Variants in CXADR observed in about 807,000 individuals in gnomAD.
CXADR encodes the protein coxsackievirus and adenovirus receptor.
A neutral mutation model predicts 40.3 loss-of-function variants in CXADR; 20 were observed. That is an observed-to-expected ratio of 0.50 (90% CI 0.35 to 0.72). The LOEUF (loss-of-function observed/expected upper bound fraction) is 0.72, where lower values mean the gene tolerates loss of function less well. Ranked by LOEUF, CXADR falls within the 30% of genes least tolerant of loss-of-function variation. CXADR has a pLI of 0.01. For synonymous variants in CXADR, 150 were observed against 161.3 expected (o/e 0.93, Z 0.53); for missense variants, 332 against 449.1 (o/e 0.74, Z 2.36).
chr21:17,550,750 T>C (rs1420864871), intron 2 of CXADR, among the ~76,000 whole-genome samples: 1 of 152,262 alleles, frequency 6.6e-6, no homozygotes, highest in Non-Finnish European at 1.5e-5. Context: ...ACATAGATTT[T>C]ATTTTCCCTC....
chr21:17,538,378 G>T (rs999788835), intron 1 of CXADR, among the ~76,000 whole-genome samples: 2 of 152,168 alleles, frequency 1.3e-5, no homozygotes, highest in African/African-American at 4.8e-5. Flanking sequence ...ATTATACTGT[G>T]GGAGTGGGAA....
intron 1 of CXADR, among the ~76,000 whole-genome samples, chr21:17,516,022 C>G (rs1313713536): frequency 6.6e-6 from 1 of 152,134 alleles, no homozygotes; most frequent in Admixed American, 6.5e-5. Context: ...GTGAGTCATA[C>G]TACTAGTAAT....
At chr21:17,534,069 TACACACACACAC>T (rs1207362856) in intron 1 of CXADR, among the ~76,000 whole-genome samples, 3 of 99,574 alleles carry the variant, frequency 3.0e-5, no homozygotes, top group Non-Finnish European at 4.0e-5. Context: ...GCTATATATA[TACACACACACAC>T]ATATATATAT....
At chr21:17,632,516 C>T in the CXADR span, among the ~76,000 whole-genome samples, 22 of 152,258 alleles carry the variant, frequency 1.4e-4, no homozygotes, top group Admixed American at 1.2e-3. Flanking sequence ...TTCCAAAGCG[C>T]GACATTTAGG....
intron 7 of CXADR, chr21:17,593,070 T>C (rs2061455108): frequency 8.7e-7 from 1 of 1,148,382 alleles, no homozygotes; most frequent in Non-Finnish European, 1.1e-6. Context: ...GGAAAAAGTA[T>C]TGCTGATCTT....
At chr21:17,538,455 T>C (rs2060787776) in intron 1 of CXADR, among the ~76,000 whole-genome samples, 1 of 152,112 alleles carries the variant, frequency 6.6e-6, no homozygotes, top group Non-Finnish European at 1.5e-5. Context: ...TTAAGGTGTC[T>C]GAATCAATGA....
chr21:17,534,223 T>C (rs2060724134), intron 1 of CXADR, among the ~76,000 whole-genome samples: 1 of 148,808 alleles, frequency 6.7e-6, no homozygotes, highest in South Asian at 2.2e-4. Context: ...TTCTTCTGCC[T>C]CTAGCTGGGA....
At chr21:17,519,272 T>TC (rs1451731610) in intron 1 of CXADR, among the ~76,000 whole-genome samples, 4 of 152,238 alleles carry the variant, frequency 2.6e-5, no homozygotes, top group African/African-American at 4.8e-5. Context: ...GTCTTGTGGC[T>TC]CCTGGCAGAC....
intron 1 of CXADR, chr21:17,541,954 A>G: frequency 3.4e-6 from 1 of 293,794 alleles, no homozygotes; most frequent in Non-Finnish European, 6.6e-6. Flanking sequence ...CTTTGACATT[A>G]TGTAACAAAT....
chr21:17,604,027 T>C, the CXADR span: 1 of 802,766 alleles, frequency 1.2e-6, no homozygotes, highest in Non-Finnish European at 1.6e-6. Flanking sequence ...TTTGAGCAAG[T>C]GGAGTTCAAA....
At chr21:17,585,679 A>G (rs868407338) in intron 7 of CXADR, among the ~76,000 whole-genome samples, 24 of 152,148 alleles carry the variant, frequency 1.6e-4, no homozygotes, top group Middle Eastern at 3.4e-3. Context: ...CACTACGCCC[A>G]GCTAATTTTT....
At chr21:17,550,395 G>A (rs1311986472) in intron 2 of CXADR, among the ~76,000 whole-genome samples, 1 of 150,766 alleles carries the variant, frequency 6.6e-6, no homozygotes, top group Non-Finnish European at 1.5e-5. Flanking sequence ...GGTGGGGTCA[G>A]TGTGGTTGGG....
At chr21:17,535,954 G>A (rs1380498950) in intron 1 of CXADR, among the ~76,000 whole-genome samples, 1 of 152,178 alleles carries the variant, frequency 6.6e-6, no homozygotes, top group Non-Finnish European at 1.5e-5. Flanking sequence ...GCTGCAGTGA[G>A]CCAAGATTGT....
In CXADR at chr21:17,561,389, C is replaced by T; in HGVS notation, c.746C>T (p.Ala249Val). ...GGAGCCATTATAGGAACTTTGCTTG[C>T]TCTAGCGCTCATTGGTCTTATCATC... ...IAGAIIGTLL[A>V]LALIGLIIFC... is the part of the protein sequence containing the mutation. Residue 249 changes from alanine (A) to valine (V), a missense_variant, in exon 6 of 7, where the codon GCT becomes GTT. Around this residue, in one of 3 missense-constraint regions of CXADR, gnomAD observed 150 missense variants for 194.2 expected, o/e 0.77. Transcript: ENST00000284878. 9.3e-6 allele frequency: 15 copies of T among 1,611,240 alleles called. No individual in the cohort carries two copies. Among genetic ancestry groups the T allele is most frequent in the East Asian group, 2.2e-5 (1 of 44,828 alleles).
At chr21:17,598,533 C>T (rs1744086971), downstream of CXADR, 1 of 1,164,500 alleles carries the variant, frequency 8.6e-7, no homozygotes, top group Admixed American at 2.4e-5. Flanking sequence ...AGTCAGAAAC[C>T]TTGGGCAATG....
downstream of CXADR, among the ~76,000 whole-genome samples, chr21:17,596,536 T>C (rs1363987089): frequency 6.6e-6 from 1 of 152,056 alleles, no homozygotes; most frequent in African/African-American, 2.4e-5. Flanking sequence ...CACAAGTTCT[T>C]GAAGACTTTC....
chr21:17,542,043 G>A, intron 1 of CXADR: 1 of 357,074 alleles, frequency 2.8e-6, no homozygotes, highest in Non-Finnish European at 5.4e-6. Flanking sequence ...TTGCCAAATG[G>A]TGATTTTTTA....
Position 17,580,088 on chromosome 21 carries a change from C to A in CXADR, c.1018-13064C>A, listed in dbSNP as rs112455067. ...TCTTTAGCCTTTGCCTCCCAAAGTG[C>A]TGGGATTATAGGCATGAGCCACCAT... On this transcript the variant is annotated intron_variant, in intron 7 of 7. Coordinates refer to the CXADR transcript ENST00000400169. 4.4e-3 allele frequency among the ~76,000 whole-genome samples: 677 copies of A among 152,264 alleles called. 1 individual carries two copies. The highest frequency in any genetic ancestry group is 7.2e-3 in the Non-Finnish European group (488 of 68,022).
At chr21:17,514,683 G>T (rs982271138) in intron 1 of CXADR, among the ~76,000 whole-genome samples, 3 of 151,606 alleles carry the variant, frequency 2.0e-5, no homozygotes, top group African/African-American at 7.3e-5. Context: ...GCACAGGCTG[G>T]AGTGCAATGG....
Sources: gnomAD v4.1 joint callset for allele counts (sites outside exome capture counted in the v4.1 genomes callset) on GRCh38, gnomAD v4.1.1 for gene constraint, gnomAD v4.1.1 regional missense constraint, MANE v1.5 for transcripts, NCBI Gene and HGNC (gene_info 2026-07-23, HGNC 2026-07-21) for gene names.